Variants in DNAH17 observed in about 807,000 individuals in gnomAD.
DNAH17 encodes dynein axonemal heavy chain 17.
Under a neutral mutation model 485.6 loss-of-function variants are expected in DNAH17, and 376 were observed. The observed-to-expected ratio is 0.77, with a 90% confidence interval of 0.71 to 0.84. The LOEUF (loss-of-function observed/expected upper bound fraction) is 0.84, where lower values mean the gene tolerates loss of function less well. Ranked by LOEUF, DNAH17 falls within the 40% of genes least tolerant of loss-of-function variation. The probability of loss-of-function intolerance (pLI) is 0.00; values close to 1 mark genes in which losing one functional copy is unlikely to be tolerated. For synonymous variants in DNAH17, 3,031 were observed against 2,405.9 expected (o/e 1.26, Z -7.60); for missense variants, 6,370 against 5,839.3 (o/e 1.09, Z -2.96).
At position 78,494,660 on chromosome 17, in the gene DNAH17, A is replaced by G. The variant is rs765788358; in HGVS notation, c.6203T>C (p.Met2068Thr). ...CGGGAAGAGGTCCCCGATCAGTCCC[A>G]TGAATACGGGCAGGTCGTCTGTCAC... is the stretch of plus-strand genomic sequence containing the variant. Reference protein sequence around the residue: ...KIVTDDLPVFMGLIGDLFPAL... With the variant: ...KIVTDDLPVFTGLIGDLFPAL... The change falls in exon 40 of 81, where the codon ATG becomes ACG. Residue 2068 changes from methionine (M) to threonine (T), a missense_variant. By Grantham distance (81) the Met-to-Thr change is moderately conservative. Transcript: ENST00000389840. 2 of 1,613,998 alleles carry G rather than the reference A, an allele frequency of 1.2e-6. No individual in the cohort carries two copies. The highest frequency in any genetic ancestry group is 1.7e-6 in the Non-Finnish European group (2 of 1,179,904).
At chr17:78,496,092 G>C (rs1420266918) in intron 37 of DNAH17, 60 bp from the exon 38 acceptor site, 31 of 1,555,776 alleles carry the variant, frequency 2.0e-5, no homozygotes, top group Non-Finnish European at 2.4e-5. Flanking sequence ...ACACACCAGA[G>C]AGGCCTTCAC....
Position 78,426,535 on chromosome 17 carries a change from AGGCAC to A in DNAH17, c.12832_12836del (p.Val4278Ter). ...GGTAGGCCCGGGCCACCCACGTATC[AGGCAC>A]GGTGTCATAGAAGAGAGCCGTGGAC... On this transcript the variant is annotated frameshift_variant, in exon 79 of 81. Transcript: ENST00000389840. LOFTEE classifies it high-confidence loss of function. 3.1e-6 allele frequency: 5 copies of A among 1,613,678 alleles called. No homozygotes were observed. Among genetic ancestry groups the A allele is most frequent in the Non-Finnish European group, 4.2e-6 (5 of 1,179,734 alleles).
chr17:78,572,992 C>G (rs1258730096), intron 2 of DNAH17, 98 bp from the exon 3 acceptor site: 1 of 1,115,112 alleles, frequency 9.0e-7, no homozygotes, highest in East Asian at 2.6e-5. Flanking sequence ...GACCCGGTGT[C>G]TGGAGCCCTG....
At chr17:78,493,903 A>G in intron 41 of DNAH17, 133 bp downstream of exon 41, 1 of 1,297,466 alleles carries the variant, frequency 7.7e-7, no homozygotes, top group African/African-American at 1.5e-5. Context: ...CCCATGACTC[A>G]GGCCGGAGGG....
chr17:78,568,187 T>G (rs1469074100), intron 9 of DNAH17, among the ~76,000 whole-genome samples: 1 of 152,208 alleles, frequency 6.6e-6, no homozygotes, highest in Non-Finnish European at 1.5e-5. Flanking sequence ...ATCTTCCTTC[T>G]GATTCAGAAT....
At chr17:78,504,055 G>GTGGACA (rs1403321827) in intron 31 of DNAH17, among the ~76,000 whole-genome samples, 1 of 150,904 alleles carries the variant, frequency 6.6e-6, no homozygotes, top group Non-Finnish European at 1.5e-5. Flanking sequence ...AAACCCTCAA[G>GTGGACA]TGGACATGAG....
chr17:78,502,388 T>C lies in DNAH17; in HGVS notation c.5190+203A>G, dbSNP rs2090328241. On this transcript the variant is annotated intron_variant, in intron 33 of 80. Coordinates refer to ENST00000389840, the MANE Select transcript of DNAH17 (RefSeq NM_173628.4). ...CAAAGTACATATTTCTGAAGGTGTC[T>C]GTTACTCGTGGGGAGAGGTGCCTGG... 7 of 489,038 alleles carry C rather than the reference T, an allele frequency of 1.4e-5. No homozygotes were observed. In the South Asian group the frequency reaches 2.3e-4, roughly 16 times the overall value. 30.3% of individuals were successfully genotyped at this position (489,038 alleles called of 1,614,324 possible). A position where few individuals can be genotyped will look rare whatever the true frequency, so the allele number is the denominator to read the frequency against.
At chr17:78,450,213 C>A (rs1224273468) in intron 68 of DNAH17, 41 bp downstream of exon 68, 1 of 1,610,266 alleles carries the variant, frequency 6.2e-7, no homozygotes, top group Admixed American at 1.7e-5. Flanking sequence ...AGATGCAGCC[C>A]CACCTTGAGG....
intron 16 of DNAH17, among the ~76,000 whole-genome samples, chr17:78,544,819 A>G (rs2091710527): frequency 6.8e-6 from 1 of 147,224 alleles, no homozygotes; most frequent in South Asian, 2.3e-4. Context: ...AAAAAAAAAA[A>G]AAAAAGGTGG....
intron 54 of DNAH17, chr17:78,472,626 G>T (rs546312957): frequency 1.2e-5 from 5 of 423,122 alleles, no homozygotes; most frequent in Non-Finnish European, 2.4e-5. Flanking sequence ...CCCGGGGGCT[G>T]TGTGTGGGGT....
intron 20 of DNAH17, among the ~76,000 whole-genome samples, chr17:78,531,262 T>C (rs2091228827): frequency 6.6e-6 from 1 of 152,014 alleles, no homozygotes; most frequent in Non-Finnish European, 1.5e-5. Flanking sequence ...TTAAATCCTC[T>C]CGCTGAGTTG....
chr17:78,510,145 G>A (rs754856341), intron 27 of DNAH17, among the ~76,000 whole-genome samples: 41 of 152,226 alleles, frequency 2.7e-4, no homozygotes, highest in Non-Finnish European at 5.0e-4. Context: ...TCGTGCCACT[G>A]CACTCCAGCC....
chr17:78,456,844 G>C lies in DNAH17; in HGVS notation c.9978-1008C>G, dbSNP rs1242036712. ...CTGAAGACCAGCCTCATGCAGCCTG[G>C]GGCACTCACAGCTGACAACTGGCCC... is the stretch of plus-strand genomic sequence containing the variant. On this transcript the variant is annotated intron_variant, in intron 62 of 80. Coordinates refer to ENST00000389840, the MANE Select transcript of DNAH17 (RefSeq NM_173628.4). Among the ~76,000 whole-genome samples, 3 of 152,330 alleles carry C rather than the reference G, an allele frequency of 2.0e-5. No homozygotes were observed. The East Asian group carries it at 5.8e-4, about 29-fold the overall frequency.
intron 25 of DNAH17, among the ~76,000 whole-genome samples, chr17:78,519,167 C>CAAAAAAA (rs71161610): frequency 1.3e-5 from 1 of 75,598 alleles, no homozygotes; most frequent in Non-Finnish European, 2.4e-5. Flanking sequence ...GACTCCGTCT[C>CAAAAAAA]AAAAAAAAAA....
intron 51 of DNAH17, among the ~76,000 whole-genome samples, chr17:78,477,832 G>T (rs1390384995): frequency 6.6e-6 from 1 of 152,158 alleles, no homozygotes; most frequent in Non-Finnish European, 1.5e-5. Context: ...CTCTGACTCA[G>T]AGTAAGCAGT....
In DNAH17 at chr17:78,560,956, C is replaced by T. The variant is rs552572732; in HGVS notation, c.1836-21G>A. 1.1e-4 allele frequency: 171 copies of T among 1,540,252 alleles called. 3 individuals carry two copies. In the South Asian group the frequency reaches 1.8e-3, roughly 16 times the overall value. On this transcript the variant is annotated intron_variant, in intron 12 of 80. Transcript: ENST00000389840. ...TGACCCTGGAATCAGAGCGGGAAGG[C>T]GAGGCCCCACTGGATATCTCCTGTG...
chr17:78,561,542 A>T (rs1159606733), intron 12 of DNAH17, among the ~76,000 whole-genome samples, 173 bp downstream of exon 12: 1 of 151,878 alleles, frequency 6.6e-6, no homozygotes, highest in South Asian at 2.1e-4. Context: ...TCCCACCAAG[A>T]AGGTGATCAG....
In DNAH17 at chr17:78,455,584, C is replaced by T; in HGVS notation, c.10170+60G>A. ...TCAAGTAATCCGCCCGCCTCGGCCT[C>T]CCAAAGTGCTGGCATTACAGGCGTG... On this transcript the variant is annotated intron_variant, in intron 63 of 80. Transcript: ENST00000389840. The T allele has an allele frequency of 2.9e-6, 4 of 1,367,822 alleles. No homozygotes were observed. The South Asian group carries it at 6.3e-5, about 22-fold the overall frequency. 84.7% of individuals were successfully genotyped at this position (1,367,822 alleles called of 1,614,324 possible). A position where few individuals can be genotyped will look rare whatever the true frequency, so the allele number is the denominator to read the frequency against.
chr17:78,453,258 G>T, intron 65 of DNAH17, 85 bp downstream of exon 65: 3 of 1,529,756 alleles, frequency 2.0e-6, no homozygotes, highest in South Asian at 2.4e-5. Flanking sequence ...AGGAAATTCC[G>T]GGCGTTTTCT....
Sources: gnomAD v4.1 joint callset for allele counts (sites outside exome capture counted in the v4.1 genomes callset) on GRCh38, gnomAD v4.1.1 for gene constraint, MANE v1.5 for transcripts, NCBI Gene and HGNC (gene_info 2026-07-23, HGNC 2026-07-21) for gene names.